ERBB4: variants seen among roughly 807,000 people sequenced by gnomAD.
ERBB4 encodes erb-b2 receptor tyrosine kinase 4.
In ERBB4, 42 loss-of-function variants were observed where a neutral mutation model predicts 158.0. The observed-to-expected ratio is 0.27, with a 90% CI of 0.21 to 0.34. The LOEUF is 0.34. ERBB4 is among the 10% of genes least tolerant of loss of function. The probability of loss-of-function intolerance (pLI) is 1.00; values close to 1 mark genes in which losing one functional copy is unlikely to be tolerated. For synonymous variants in ERBB4, 583 were observed against 558.7 expected, an observed-to-expected ratio of 1.04 and a Z score of -0.61; for missense variants, 1,333 against 1,624.1, an observed-to-expected ratio of 0.82 and a Z score of 3.08.
At chr2:211,450,632 A>C (rs1018063232) in intron 20 of ERBB4, among the ~76,000 whole-genome samples, 1 of 152,198 alleles carries the variant, frequency 6.6e-6, no homozygotes, top group African/African-American at 2.4e-5. Context: ...GGATAACTTC[A>C]GTTAGTGCTA....
chr2:211,689,056 T>C (rs1388416910), intron 12 of ERBB4, among the ~76,000 whole-genome samples: 1 of 152,146 alleles, frequency 6.6e-6, no homozygotes, highest in Non-Finnish European at 1.5e-5. Context: ...TGATTTGATG[T>C]TTTGCTTGGG....
chr2:211,471,562 G>T (rs1477452915), intron 20 of ERBB4, among the ~76,000 whole-genome samples: 1 of 152,092 alleles, frequency 6.6e-6, no homozygotes, highest in Non-Finnish European at 1.5e-5. Context: ...TATAGATATT[G>T]TATCAATATC....
At chr2:211,733,784 A>G (rs986130791) in intron 5 of ERBB4, among the ~76,000 whole-genome samples, 1 of 151,570 alleles carries the variant, frequency 6.6e-6, no homozygotes, top group East Asian at 1.9e-4. Context: ...TTTTGCAATA[A>G]AAATACCCAC....
intron 1 of ERBB4, among the ~76,000 whole-genome samples, chr2:212,332,010 C>T (rs146393765): frequency 1.4e-4 from 22 of 152,012 alleles, no homozygotes; most frequent in South Asian, 1.0e-3. Flanking sequence ...ATGGCTTTTT[C>T]GAGAAAAATT....
intron 1 of ERBB4, among the ~76,000 whole-genome samples, chr2:212,537,772 A>G (rs1215610767): frequency 1.4e-5 from 2 of 146,704 alleles, no homozygotes; most frequent in African/African-American, 5.2e-5. Context: ...TTAAGAGGTC[A>G]GGCAGGCGAG....
chr2:212,276,593 A>C (rs937094294), intron 1 of ERBB4, among the ~76,000 whole-genome samples: 2 of 151,866 alleles, frequency 1.3e-5, no homozygotes, highest in Non-Finnish European at 2.9e-5. Flanking sequence ...AACAGTATAC[A>C]TGAGAAGACT....
intron 3 of ERBB4, among the ~76,000 whole-genome samples, chr2:211,856,793 G>C (rs556457067): frequency 1.3e-5 from 2 of 152,140 alleles, no homozygotes; most frequent in East Asian, 3.9e-4. Context: ...ATTTAAATTT[G>C]ATACAACTAT....
chr2:212,170,446 A>G (rs1429791477), intron 1 of ERBB4, among the ~76,000 whole-genome samples: 1 of 152,198 alleles, frequency 6.6e-6, no homozygotes, highest in Non-Finnish European at 1.5e-5. Context: ...GAGAAAGTCA[A>G]TCCAGCTGCA....
At chr2:212,384,224 T>A (rs1490843779) in intron 1 of ERBB4, among the ~76,000 whole-genome samples, 2 of 151,626 alleles carry the variant, frequency 1.3e-5, no homozygotes, top group East Asian at 1.9e-4. Context: ...ATGAGAACAA[T>A]TTAAGGACAG....
At chr2:211,444,293 C>T (rs2064058604) in intron 20 of ERBB4, among the ~76,000 whole-genome samples, 1 of 151,948 alleles carries the variant, frequency 6.6e-6, no homozygotes, top group Admixed American at 6.6e-5. Context: ...CCACTGGACA[C>T]TCATTGAACT....
At chr2:211,619,565 T>G (rs2069519153) in intron 18 of ERBB4, among the ~76,000 whole-genome samples, 1 of 152,132 alleles carries the variant, frequency 6.6e-6, no homozygotes, top group African/African-American at 2.4e-5. Context: ...GAAGACAGCA[T>G]GGAAATAGGA....
chr2:211,814,928 A>G (rs1336572100), intron 3 of ERBB4, among the ~76,000 whole-genome samples: 1 of 152,150 alleles, frequency 6.6e-6, no homozygotes, highest in Non-Finnish European at 1.5e-5. Context: ...TGAATACACC[A>G]TTACAAACTG....
intron 21 of ERBB4, among the ~76,000 whole-genome samples, chr2:211,428,748 C>T (rs1412749609): frequency 1.3e-5 from 2 of 152,068 alleles, no homozygotes; most frequent in Non-Finnish European, 2.9e-5. Context: ...GACAGGGTCT[C>T]ACTCTGTCAC....
At chr2:212,101,344 C>A (rs1294670111) in intron 2 of ERBB4, among the ~76,000 whole-genome samples, 2 of 51,476 alleles carry the variant, frequency 3.9e-5, no homozygotes, top group East Asian at 2.3e-4. Flanking sequence ...ACACACACAC[C>A]CTATACATAT....
intron 4 of ERBB4, among the ~76,000 whole-genome samples, chr2:211,770,348 A>G (rs2075659290): frequency 6.6e-6 from 1 of 152,234 alleles, no homozygotes; most frequent in Non-Finnish European, 1.5e-5. Flanking sequence ...GTAACAAAAA[A>G]AGCATTCTTA....
At chr2:212,002,682 T>C (rs1403125364) in intron 2 of ERBB4, among the ~76,000 whole-genome samples, 1 of 152,014 alleles carries the variant, frequency 6.6e-6, no homozygotes, top group African/African-American at 2.4e-5. Flanking sequence ...GTAAATAATA[T>C]TGAGGAGAGT....
chr2:212,124,034 C>T (rs992801904), intron 2 of ERBB4, among the ~76,000 whole-genome samples: 1 of 152,134 alleles, frequency 6.6e-6, no homozygotes, highest in Non-Finnish European at 1.5e-5. Context: ...TCAAAGGCCC[C>T]TTCAAGTTCA....
Position 211,907,415 on chromosome 2 carries a change from C to CT in ERBB4, c.421+40014dup, listed in dbSNP as rs1006579963. On this transcript the variant is annotated intron_variant, in intron 3 of 27. Coordinates refer to ENST00000342788, the MANE Select transcript of ERBB4 (RefSeq NM_005235.3). ...AGGCACTGAAAAGCATGGCTTTTGC[C>CT]TTTTTTTTTTTTCCTTTGGTTACTG... 2.1e-3 allele frequency among the ~76,000 whole-genome samples: 300 copies of CT among 142,504 alleles called. 7 individuals are homozygous for CT. Among genetic ancestry groups the CT allele is most frequent in the African/African-American group, 3.9e-3 (154 of 39,322 alleles). The allele number at this position is 142,504 out of a possible 152,430, so 93.5% of individuals were successfully genotyped here.
intron 4 of ERBB4, among the ~76,000 whole-genome samples, chr2:211,780,699 T>C (rs1250714500): frequency 1.3e-5 from 2 of 152,250 alleles, no homozygotes; most frequent in Non-Finnish European, 2.9e-5. Context: ...TTTTAGATTC[T>C]GTTAGTTCTC....
Sources: allele counts gnomAD v4.1 joint callset (sites outside exome capture counted in the v4.1 genomes callset), GRCh38; gene constraint gnomAD v4.1.1; transcripts MANE v1.5; gene names NCBI Gene and HGNC (gene_info 2026-07-23, HGNC 2026-07-21).